COL5A2: variants seen among roughly 807,000 people sequenced by gnomAD.
The protein encoded by COL5A2 is collagen type V alpha 2 chain.
A neutral mutation model predicts 208.2 loss-of-function variants in COL5A2; 23 were observed. That is an observed-to-expected ratio of 0.11 (90% CI 0.08 to 0.16). The LOEUF is 0.16. Among genes scored for constraint, COL5A2 ranks in the 10% least tolerant of loss-of-function variants. The pLI is 1.00. For missense variants in COL5A2, 1,590 were observed against 1,956.4 expected (o/e 0.81, Z 3.53); for synonymous variants, 625 against 628.5 (o/e 0.99, Z 0.08).
chr2:189,099,021 C>T (rs1686994392), intron 4 of COL5A2, among the ~76,000 whole-genome samples: 1 of 152,170 alleles, frequency 6.6e-6, no homozygotes. Context: ...CGACACTACC[C>T]TTTACCAGAT....
chr2:189,215,674 T>A (rs2105872759), intron 1 of COL5A2, among the ~76,000 whole-genome samples: 1 of 152,246 alleles, frequency 6.6e-6, no homozygotes, highest in Admixed American at 6.5e-5. Flanking sequence ...TATAGACATA[T>A]ACAGTGTTAA....
At chr2:189,051,806 A>G (rs554628670) in intron 41 of COL5A2, among the ~76,000 whole-genome samples, 3 of 152,352 alleles carry the variant, frequency 2.0e-5, no homozygotes, top group African/African-American at 7.2e-5. Flanking sequence ...TTATTCTGAG[A>G]TAATTATTTA....
At chr2:189,066,106 A>T (rs1268486311) in intron 23 of COL5A2, among the ~76,000 whole-genome samples, 2 of 152,206 alleles carry the variant, frequency 1.3e-5, no homozygotes, top group Admixed American at 1.3e-4. Flanking sequence ...ACAACTATTT[A>T]CTAGTCTCCA....
At chr2:189,436,862 A>G in the COL5A2 span, among the ~76,000 whole-genome samples, 1,336 of 152,210 alleles carry the variant, frequency 8.8e-3, 20 homozygotes, top group African/African-American at 0.03. Context: ...GGGGTGGCCG[A>G]GTGGAGGGAG....
the COL5A2 span, chr2:189,311,399 T>G: frequency 9.3e-7 from 1 of 1,077,700 alleles, no homozygotes; most frequent in East Asian, 2.4e-5. Flanking sequence ...CTCACCATCT[T>G]CCAGCAGGCG....
At chr2:189,274,105 T>C in the COL5A2 span, among the ~76,000 whole-genome samples, 3 of 152,114 alleles carry the variant, frequency 2.0e-5, no homozygotes, top group Non-Finnish European at 4.4e-5. Context: ...TCATTTTATA[T>C]ACCACAAATA....
At chr2:189,417,542 AT>A in the COL5A2 span, among the ~76,000 whole-genome samples, 3 of 152,036 alleles carry the variant, frequency 2.0e-5, no homozygotes, top group Non-Finnish European at 4.4e-5. Context: ...TGGAATTCTA[AT>A]TGGAACTGCA....
At chr2:189,275,529 C>T in the COL5A2 span, among the ~76,000 whole-genome samples, 243 of 149,136 alleles carry the variant, frequency 1.6e-3, 1 homozygote, top group African/African-American at 5.5e-3. Flanking sequence ...TTTCAGCTCA[C>T]TGCAACCTCC....
At chr2:189,182,791 A>G (rs1366220659), upstream of COL5A2, among the ~76,000 whole-genome samples, 1 of 152,088 alleles carries the variant, frequency 6.6e-6, no homozygotes, top group African/African-American at 2.4e-5. Context: ...AGCTTGATGC[A>G]TGACACACAT....
intron 9 of COL5A2, among the ~76,000 whole-genome samples, chr2:189,086,162 C>A (rs1189808062): frequency 2.6e-5 from 4 of 152,100 alleles, no homozygotes; most frequent in Non-Finnish European, 5.9e-5. Flanking sequence ...AATGTGGTAA[C>A]CTTGACTGAA....
At chr2:189,071,980 A>T in intron 18 of COL5A2, 60 bp downstream of exon 18, 1 of 1,106,638 alleles carries the variant, frequency 9.0e-7, no homozygotes, top group South Asian at 1.4e-5. Flanking sequence ...GTCATTCTTC[A>T]CTTTGGGACT....
chr2:189,259,388 T>C, the COL5A2 span, among the ~76,000 whole-genome samples: 2 of 152,216 alleles, frequency 1.3e-5, no homozygotes, highest in Admixed American at 6.5e-5. Flanking sequence ...ATTGTTCTAC[T>C]TCACTATGGT....
At position 189,054,117 on chromosome 2, in the gene COL5A2, A is replaced by T. The variant is rs13413296; in HGVS notation, c.2445+42T>A. ...TTTATGAAAGAGCCTGCTATTCAGG[A>T]CTCATAATTTTGAGTGTACAAATTA... is the stretch of plus-strand genomic sequence containing the variant. On this transcript the variant is annotated intron_variant, in intron 36 of 53. Coordinates refer to ENST00000374866, the MANE Select transcript of COL5A2 (RefSeq NM_000393.5). 8.0e-4 allele frequency: 1,233 copies of T among 1,549,110 alleles called. 7 individuals carry two copies. In the African/African-American group the frequency reaches 0.014, roughly 18 times the overall value.
intron 1 of COL5A2, among the ~76,000 whole-genome samples, chr2:189,214,469 A>ATTTGG: frequency 6.6e-6 from 1 of 152,250 alleles, no homozygotes; most frequent in Admixed American, 6.5e-5. Flanking sequence ...CCCTTTATAC[A>ATTTGG]TACATACATA....
chr2:189,145,099 C>T (rs1559124048), intron 1 of COL5A2, among the ~76,000 whole-genome samples: 1 of 152,124 alleles, frequency 6.6e-6, no homozygotes, highest in African/African-American at 2.4e-5. Context: ...ATGTATGAAA[C>T]AGTAGAAGCC....
the COL5A2 span, among the ~76,000 whole-genome samples, chr2:189,404,740 G>A: frequency 6.6e-6 from 1 of 152,084 alleles, no homozygotes; most frequent in Non-Finnish European, 1.5e-5. Context: ...ATCCCTACTC[G>A]AGAAAATTAT....
chr2:189,320,430 C>T, the COL5A2 span, among the ~76,000 whole-genome samples: 3 of 152,132 alleles, frequency 2.0e-5, no homozygotes, highest in South Asian at 2.1e-4. Context: ...AAAGATTACA[C>T]GAATGGCTAA....
intron 1 of COL5A2, among the ~76,000 whole-genome samples, chr2:189,127,718 C>T (rs1394831289): frequency 6.6e-6 from 1 of 151,994 alleles, no homozygotes; most frequent in Non-Finnish European, 1.5e-5. Flanking sequence ...TATTATTTAG[C>T]ACAGAGGTTC....
the COL5A2 span, among the ~76,000 whole-genome samples, chr2:189,327,379 AAAG>A: frequency 1.3e-5 from 2 of 152,140 alleles, no homozygotes; most frequent in East Asian, 1.9e-4. Context: ...TGGGAATAGG[AAAG>A]AAGGAGAGAA....
Sources: allele counts gnomAD v4.1 joint callset (sites outside exome capture counted in the v4.1 genomes callset), GRCh38; gene constraint gnomAD v4.1.1; transcripts MANE v1.5; gene names NCBI Gene and HGNC (gene_info 2026-07-23, HGNC 2026-07-21).